Variants in VPS13A observed in about 807,000 individuals in gnomAD.
The protein encoded by VPS13A is intermembrane lipid transfer protein VPS13A.
VPS13A carries 264 observed loss-of-function variants against 390.9 expected under a neutral mutation model. That is an observed-to-expected ratio of 0.68 (90% CI 0.61 to 0.75). VPS13A has a LOEUF of 0.75. Among genes scored for constraint, VPS13A ranks in the 30% least tolerant of loss-of-function variants. The pLI is 0.00. For synonymous variants in VPS13A, 1,231 were observed against 1,227.1 expected (o/e 1.00, Z -0.07); for missense variants, 3,409 against 3,733.9 (o/e 0.91, Z 2.27).
At chr9:77,312,348 T>G (rs934784745) in intron 35 of VPS13A, among the ~76,000 whole-genome samples, 3 of 152,074 alleles carry the variant, frequency 2.0e-5, no homozygotes, top group Non-Finnish European at 4.4e-5. Context: ...AGCAAAATAA[T>G]GACCAAAAGA....
chr9:77,350,890 C>T, intron 52 of VPS13A: 1 of 171,978 alleles, frequency 5.8e-6, no homozygotes, highest in Non-Finnish European at 1.2e-5. Context: ...AACTGAATTT[C>T]TTAGATGTGT....
At chr9:77,334,361 G>C (rs965685642) in intron 46 of VPS13A, among the ~76,000 whole-genome samples, 5 of 151,994 alleles carry the variant, frequency 3.3e-5, no homozygotes, top group African/African-American at 1.2e-4. Context: ...TCTGTTTCAA[G>C]ACCATTCACA....
At chr9:77,401,950 G>A (rs1587723650) in intron 68 of VPS13A, among the ~76,000 whole-genome samples, 1 of 152,258 alleles carries the variant, frequency 6.6e-6, no homozygotes, top group East Asian at 1.9e-4. Flanking sequence ...ATAGGTGTGT[G>A]TATATAGGAA....
intron 23 of VPS13A, 75 bp from the exon 24 acceptor site, chr9:77,273,205 T>TTGAATAAACATTTTTTGAATAAGCGG: frequency 8.5e-7 from 1 of 1,174,318 alleles, no homozygotes; most frequent in Middle Eastern, 2.0e-4. Flanking sequence ...TTGTAGAACT[T>TTGAATAAACATTTTTTGAATAAGCGG]TGAATAAACA....
At chr9:77,358,578 C>A (rs1831948254) in intron 57 of VPS13A, 140 bp downstream of exon 57, 7 of 712,272 alleles carry the variant, frequency 9.8e-6, no homozygotes, top group African/African-American at 1.8e-5. Flanking sequence ...TGAAAAAGGA[C>A]CAGCAAGTAC....
chr9:77,401,447 C>T (rs1264478053), intron 68 of VPS13A, among the ~76,000 whole-genome samples: 1 of 150,582 alleles, frequency 6.6e-6, no homozygotes, highest in Non-Finnish European at 1.5e-5. Context: ...TATGGATTTC[C>T]ATTTCCAAAA....
chr9:77,379,940 T>A (rs968624035), intron 67 of VPS13A, among the ~76,000 whole-genome samples: 11 of 152,202 alleles, frequency 7.2e-5, no homozygotes, highest in Non-Finnish European at 1.5e-4. Flanking sequence ...TTTTTGAAAG[T>A]AGGTTGCTGA....
intron 39 of VPS13A, among the ~76,000 whole-genome samples, 166 bp downstream of exon 39, chr9:77,316,572 CTCTT>C (rs1321657639): frequency 6.6e-6 from 1 of 152,078 alleles, no homozygotes; most frequent in Non-Finnish European, 1.5e-5. Flanking sequence ...AGCTTTGAAA[CTCTT>C]TCATTCTTCC....
chr9:77,187,467 CTAAT>C, intron 1 of VPS13A, among the ~76,000 whole-genome samples: 1 of 152,228 alleles, frequency 6.6e-6, no homozygotes, highest in East Asian at 1.9e-4. Context: ...TTACATTTCT[CTAAT>C]TAGTAATGTT....
At chr9:77,206,329 T>TTATATA (rs58922469) in intron 5 of VPS13A, among the ~76,000 whole-genome samples, 4,041 of 146,520 alleles carry the variant, frequency 0.028, 102 homozygotes, top group Middle Eastern at 0.054. Flanking sequence ...TACATATTTT[T>TTATATA]TATATATATA....
chr9:77,315,334 T>C lies in VPS13A; in HGVS notation c.4494T>C (p.Thr1498=), dbSNP rs1829324201. The part of the protein sequence containing the change: ...KYRKVRDGCV[T]DAVFQEMYIC... ...GGAAAGTCAGAGATGGTTGTGTGAC[T>C]GATGCGGTCTTTCAAGAAATGTATA... The change falls in exon 38 of 72, where the codon ACT becomes ACC. Residue 1498 remains threonine, a synonymous_variant. Transcript: ENST00000360280. 1 of 1,614,046 alleles carries C rather than the reference T, an allele frequency of 6.2e-7. No individual in the cohort carries two copies. Among genetic ancestry groups the C allele is most frequent in the African/African-American group, 1.3e-5 (1 of 75,074 alleles).
intron 17 of VPS13A, among the ~76,000 whole-genome samples, chr9:77,235,773 A>G (rs1824110148): frequency 1.3e-5 from 2 of 152,116 alleles, no homozygotes; most frequent in Admixed American, 1.3e-4. Flanking sequence ...GTTGTCCTGT[A>G]TTCAAGTTTG....
At chr9:77,282,382 C>A (rs1827089381) in intron 29 of VPS13A, 108 bp downstream of exon 29, 4 of 1,075,020 alleles carry the variant, frequency 3.7e-6, no homozygotes, top group Non-Finnish European at 5.4e-6. Flanking sequence ...CTTCAGAATT[C>A]TGTTGCCTAG....
chr9:77,179,008 G>C (rs962679379), intron 1 of VPS13A, among the ~76,000 whole-genome samples: 1 of 152,154 alleles, frequency 6.6e-6, no homozygotes, highest in South Asian at 2.1e-4. Flanking sequence ...ACAAAAGCTA[G>C]GGATATAGTG....
chr9:77,321,125 G>A (rs1190679702), intron 42 of VPS13A, 44 bp from the exon 43 acceptor site: 1 of 1,549,454 alleles, frequency 6.5e-7, no homozygotes. Flanking sequence ...GTTATGTTGT[G>A]TTCTTAGAAT....
intron 29 of VPS13A, among the ~76,000 whole-genome samples, chr9:77,282,602 C>T (rs1366938736): frequency 2.0e-5 from 3 of 152,106 alleles, no homozygotes; most frequent in East Asian, 3.9e-4. Flanking sequence ...CATTTCATGA[C>T]ATTATTTTAG....
intron 32 of VPS13A, among the ~76,000 whole-genome samples, chr9:77,295,019 GTACTTA>G (rs1241275734): frequency 2.0e-5 from 3 of 151,644 alleles, no homozygotes; most frequent in Non-Finnish European, 4.4e-5. Context: ...GAGCCCTCTT[GTACTTA>G]TACTTAGAAA....
chr9:77,283,205 G>A (rs1463546214), intron 29 of VPS13A, 150 bp from the exon 30 acceptor site: 1 of 561,300 alleles, frequency 1.8e-6, no homozygotes, highest in African/African-American at 1.9e-5. Context: ...AATTCAGTAG[G>A]GAATATCATA....
chr9:77,317,774 A>G, intron 40 of VPS13A, 76 bp downstream of exon 40: 1 of 1,146,054 alleles, frequency 8.7e-7, no homozygotes, highest in Non-Finnish European at 1.2e-6. Context: ...TATTATAGCA[A>G]GTCTTTTAAT....
Sources: allele counts gnomAD v4.1 joint callset (sites outside exome capture counted in the v4.1 genomes callset), GRCh38; gene constraint gnomAD v4.1.1; transcripts MANE v1.5; gene names NCBI Gene and HGNC (gene_info 2026-07-23, HGNC 2026-07-21).